MAP3K4: variants seen among roughly 807,000 people sequenced by gnomAD.
MAP3K4 encodes the protein mitogen-activated protein kinase kinase kinase 4, also known as MAP three kinase 1.
In MAP3K4, 67 loss-of-function variants were observed where a neutral mutation model predicts 185.6. The ratio of observed to expected loss-of-function variants is 0.36; its 90% confidence interval spans 0.30 to 0.44. The LOEUF (loss-of-function observed/expected upper bound fraction) is 0.44. Among genes scored for constraint, MAP3K4 ranks in the 20% least tolerant of loss-of-function variants. The pLI is 1.00. For synonymous variants in MAP3K4, 702 were observed against 710.4 expected, an observed-to-expected ratio of 0.99 and a Z score of 0.19; for missense variants, 1,551 against 1,995.1, an observed-to-expected ratio of 0.78 and a Z score of 4.24.
chr6:161,108,880 CT>C lies in MAP3K4; in HGVS notation c.4236+22del. 6.2e-7 allele frequency: 1 copy of C among 1,600,552 alleles called. No homozygotes were observed. Reference sequence around the variant, plus strand: ...ATAGAGTAAGCCGACCCTAATGCCACTCTTTGTGTGAGGAATCAGTGAGGGC... The same window carrying C: ...ATAGAGTAAGCCGACCCTAATGCCACCTTTGTGTGAGGAATCAGTGAGGGC... On this transcript the variant is annotated intron_variant, in intron 22 of 26. Coordinates refer to ENST00000392142, the MANE Select transcript of MAP3K4 (RefSeq NM_005922.4). The surrounding 1 kb of genome is among the most constrained non-coding windows in gnomAD (Gnocchi z 5.7).
rs376034037 is a variant in MAP3K4, at chr6:161,049,339, G to T, written c.1067G>T (p.Arg356Leu). 1.1e-5 allele frequency: 18 copies of T among 1,613,992 alleles called. No individual in the cohort carries two copies. The highest frequency in any genetic ancestry group is 1.5e-5 in the Non-Finnish European group (18 of 1,180,028). The change falls in exon 3 of 27, where the codon CGG becomes CTG. Residue 356 changes from arginine (R) to leucine (L), a missense_variant. Arg to Leu is a moderately radical substitution (Grantham distance 102, BLOSUM62 -2). This residue lies in a region of MAP3K4 where 93 missense variants were observed against 96.7 expected (regional missense o/e 0.96). Coordinates refer to ENST00000392142, the MANE Select transcript of MAP3K4 (RefSeq NM_005922.4). This position sits in a 1 kb window ranked among gnomAD's most constrained non-coding sequence, Gnocchi z 8.4. ...RQRVSFEQVKRIMELLEYIEA... is the reference protein window; with the variant it reads ...RQRVSFEQVKLIMELLEYIEA... Reference sequence around the variant, plus strand: ...AGGGTCTCATTTGAGCAGGTAAAACGGATAATGGAGCTGCTAGAGTACATA... The same window carrying T: ...AGGGTCTCATTTGAGCAGGTAAAACTGATAATGGAGCTGCTAGAGTACATA...
rs2114868384 is a variant in MAP3K4 at position 161,091,848 on chromosome 6, A to G, written c.3136-162A>G. On this transcript the variant is annotated intron_variant, in intron 12 of 26. Transcript: ENST00000392142. This position sits in a 1 kb window ranked among gnomAD's most constrained non-coding sequence, Gnocchi z 5.5. ...AAACATTTATGAAACTGCATTTTGA[A>G]ACACTGTACTTTCCATAATTCTTCA... Among the ~76,000 whole-genome samples, 1 of 152,246 alleles carries G rather than the reference A, an allele frequency of 6.6e-6. No homozygotes were observed. Among genetic ancestry groups the G allele is most frequent in the East Asian group, 1.9e-4 (1 of 5,206 alleles).
chr6:161,045,500 T>A lies in MAP3K4; in HGVS notation c.344-3116T>A, dbSNP rs147281047. Among the ~76,000 whole-genome samples, 575 of 152,302 alleles carry A rather than the reference T, an allele frequency of 3.8e-3. 4 individuals are homozygous for A. The highest frequency in any genetic ancestry group is 0.013 in the African/African-American group (542 of 41,568). ...ATTTTTTCTTAGATTGCTTTCATTG[T>A]TGGAATAAAGGTCTAGGGTGAGAAG... On this transcript the variant is annotated intron_variant, in intron 2 of 26. Transcript: ENST00000392142.
intron 3 of MAP3K4, among the ~76,000 whole-genome samples, chr6:161,055,990 C>T (rs1160862537): frequency 6.6e-6 from 1 of 152,098 alleles, no homozygotes; most frequent in Non-Finnish European, 1.5e-5. Context: ...TTTATTTGGC[C>T]ATTTATATCA....
At chr6:161,027,346 A>G (rs935834569) in intron 1 of MAP3K4, among the ~76,000 whole-genome samples, 5 of 152,350 alleles carry the variant, frequency 3.3e-5, no homozygotes, top group African/African-American at 7.2e-5. Flanking sequence ...ATACAAATCT[A>G]TGAAATGTGA....
At chr6:161,020,340 T>A (rs1269063340) in intron 1 of MAP3K4, among the ~76,000 whole-genome samples, 1 of 151,672 alleles carries the variant, frequency 6.6e-6, no homozygotes, top group Non-Finnish European at 1.5e-5. Flanking sequence ...AGTGTCTCCC[T>A]GCCCACATGT....
At position 161,112,984 on chromosome 6, in the gene MAP3K4, T is replaced by C. The variant is rs74316007; in HGVS notation, c.4626+210T>C. ...TAAGATATCTGCCACAGAGAACTCT[T>C]ATGAGTGAATTTAAGAAGCATAAAC... On this transcript the variant is annotated intron_variant, in intron 25 of 26. Coordinates refer to ENST00000392142, the MANE Select transcript of MAP3K4 (RefSeq NM_005922.4). The surrounding 1 kb of genome is among the most constrained non-coding windows in gnomAD (Gnocchi z 5.1). Among the ~76,000 whole-genome samples the C allele has an allele frequency of 2.6e-5, 4 of 152,250 alleles. No homozygotes were observed. The East Asian group carries it at 7.7e-4, about 29-fold the overall frequency.
intron 2 of MAP3K4, among the ~76,000 whole-genome samples, chr6:161,045,398 G>A (rs1000090424): frequency 6.6e-6 from 1 of 152,242 alleles, no homozygotes; most frequent in East Asian, 1.9e-4. Context: ...AACAAGATTT[G>A]TATTTAACCT....
Position 161,112,101 on chromosome 6 carries a change from C to A in MAP3K4, c.4519+143C>A. 1.9e-6 allele frequency: 2 copies of A among 1,046,094 alleles called. No individual in the cohort carries two copies. The highest frequency in any genetic ancestry group is 2.7e-6 in the Non-Finnish European group (2 of 742,216). The allele number at this position is 1,046,094 out of a possible 1,614,324, so 64.8% of individuals were successfully genotyped here. ...TCGTGAGAAGGACCACTTCCTCACA[C>A]ACTTGGGCTCCCACGCAAGAGCAGC... On this transcript the variant is annotated intron_variant, in intron 24 of 26. Coordinates refer to ENST00000392142, the MANE Select transcript of MAP3K4 (RefSeq NM_005922.4). This position sits in a 1 kb window ranked among gnomAD's most constrained non-coding sequence, Gnocchi z 5.1.
At chr6:161,009,727 A>T (rs147330864) in intron 1 of MAP3K4, among the ~76,000 whole-genome samples, 4 of 152,176 alleles carry the variant, frequency 2.6e-5, no homozygotes, top group African/African-American at 9.7e-5. Flanking sequence ...ATTTGTGCCA[A>T]TTTCCACCAG....
rs1783822404 is a variant in MAP3K4, at chr6:161,048,137, CTAAT to C, written c.344-477_344-474del. On this transcript the variant is annotated intron_variant, in intron 2 of 26. Transcript: ENST00000392142. The surrounding 1 kb of genome is among the most constrained non-coding windows in gnomAD (Gnocchi z 4.7). ...CTTAAGTATTCTTGCATCAATGTGC[CTAAT>C]TTTATCAATGAGAAAAGTAATCCAG... The C allele has an allele frequency of 2.2e-6, 1 of 452,012 alleles. No individual in the cohort carries two copies. Among genetic ancestry groups the C allele is most frequent in the Non-Finnish European group, 4.4e-6 (1 of 227,070 alleles). The allele number at this position is 452,012 out of a possible 1,614,324, so 28.0% of individuals were successfully genotyped here.
At position 161,111,030 on chromosome 6, in the gene MAP3K4, TAAG is replaced by T. The variant is rs1425964840; in HGVS notation, c.4397-802_4397-800del. On this transcript the variant is annotated intron_variant, in intron 23 of 26. Coordinates refer to ENST00000392142, the MANE Select transcript of MAP3K4 (RefSeq NM_005922.4). ...CCAATGCTTTCTAGTTCAGCATGGC[TAAG>T]AAGGTACAGATGTACAGTCGCTCGA... Among the ~76,000 whole-genome samples, 26 of 152,332 alleles carry T rather than the reference TAAG, an allele frequency of 1.7e-4. No individual in the cohort carries two copies. In the East Asian group the frequency reaches 5.0e-3, roughly 29 times the overall value.
At chr6:161,092,402 G>A (rs540754115) in intron 13 of MAP3K4, among the ~76,000 whole-genome samples, 1 of 152,052 alleles carries the variant, frequency 6.6e-6, no homozygotes, top group East Asian at 1.9e-4. Flanking sequence ...TCTTCCTGAT[G>A]ACTAATGTAT....
intron 1 of MAP3K4, among the ~76,000 whole-genome samples, chr6:161,029,491 C>A (rs1449667690): frequency 1.3e-5 from 2 of 152,154 alleles, no homozygotes; most frequent in African/African-American, 4.8e-5. Context: ...TTTGCCTAGA[C>A]CAGACTGTAG....
chr6:161,033,504 G>A (rs1055583643), intron 1 of MAP3K4, among the ~76,000 whole-genome samples: 9 of 151,640 alleles, frequency 5.9e-5, no homozygotes, highest in Admixed American at 4.6e-4. Context: ...AAGGTGAAAA[G>A]AAACAATTTT....
rs772095058 is a variant in MAP3K4 at position 160,992,342 on chromosome 6, C to G, written c.152+259C>G. 3.3e-5 allele frequency: 17 copies of G among 509,236 alleles called. No individual in the cohort carries two copies. In the African/African-American group the frequency reaches 3.5e-4, roughly 10 times the overall value. 31.5% of individuals were successfully genotyped at this position (509,236 alleles called of 1,614,324 possible). A position where few individuals can be genotyped will look rare whatever the true frequency, so the allele number is the denominator to read the frequency against. On this transcript the variant is annotated intron_variant, in intron 1 of 26. Coordinates refer to ENST00000392142, the MANE Select transcript of MAP3K4 (RefSeq NM_005922.4). The stretch of plus-strand genomic sequence containing the variant: ...GCCGGCTCCCCTTCCCTTGTAGACT[C>G]CCCCAGCTCACCCTCAACGTTGCGG...
At chr6:160,993,266 G>T (rs1780826596) in intron 1 of MAP3K4, among the ~76,000 whole-genome samples, 1 of 151,856 alleles carries the variant, frequency 6.6e-6, no homozygotes, top group Admixed American at 6.6e-5. Context: ...GAATTCCTTT[G>T]GTTCCTTTTG....
chr6:160,992,179 G>A (rs662541), intron 1 of MAP3K4, 96 bp downstream of exon 1: 1 of 1,389,920 alleles, frequency 7.2e-7, no homozygotes, highest in South Asian at 1.6e-5. Context: ...CCCGCCAGGT[G>A]GGGAGGGAAG....
intron 2 of MAP3K4, among the ~76,000 whole-genome samples, chr6:161,042,827 G>A (rs1366060612): frequency 6.6e-6 from 1 of 151,988 alleles, no homozygotes; most frequent in African/African-American, 2.4e-5. Context: ...TTCTATTCTA[G>A]CACTGCCATA....
Sources: allele counts gnomAD v4.1 joint callset (sites outside exome capture counted in the v4.1 genomes callset), GRCh38; gene constraint gnomAD v4.1.1; regional missense constraint gnomAD v4.1.1; non-coding constraint Gnocchi (gnomAD v3.1); transcripts MANE v1.5; gene names NCBI Gene and HGNC (gene_info 2026-07-23, HGNC 2026-07-21).